The following NKAIN2 variants were observed in gnomAD, a reference collection of about 807,000 sequenced individuals.
NKAIN2 encodes sodium/potassium transporting ATPase interacting 2, also known as sodium/potassium-transporting ATPase subunit beta-1-interacting protein 2.
A neutral mutation model predicts 32.6 loss-of-function variants in NKAIN2; 14 were observed. That is an observed-to-expected ratio of 0.43 (90% CI 0.28 to 0.67). The LOEUF (loss-of-function observed/expected upper bound fraction) is 0.67, where lower values mean the gene tolerates loss of function less well. Among genes scored for constraint, NKAIN2 ranks in the 30% least tolerant of loss-of-function variants. The pLI, the probability that NKAIN2 is intolerant of heterozygous loss-of-function variation, is 0.17. For missense variants in NKAIN2, 198 were observed against 258.3 expected (o/e 0.77, Z 1.60); for synonymous variants, 80 against 87.2 (o/e 0.92, Z 0.46).
chr6:123,946,263 C>T (rs966665009), intron 1 of NKAIN2, among the ~76,000 whole-genome samples: 1 of 152,004 alleles, frequency 6.6e-6, no homozygotes, highest in Non-Finnish European at 1.5e-5. Context: ...TTAGGTGGCA[C>T]ACATCATTAA....
chr6:124,033,301 G>T (rs1385297369), intron 1 of NKAIN2, among the ~76,000 whole-genome samples: 2 of 152,072 alleles, frequency 1.3e-5, no homozygotes, highest in African/African-American at 4.8e-5. Context: ...GGATGATTAT[G>T]TAAAAAGCAG....
intron 1 of NKAIN2, among the ~76,000 whole-genome samples, chr6:124,274,452 T>A (rs1282607484): frequency 6.6e-6 from 1 of 152,134 alleles, no homozygotes. Context: ...GCAAAGTATT[T>A]GGTAGTAAAG....
rs568913683 is a variant in NKAIN2, at chr6:124,681,582, T to C, written c.474+23196T>C. Among the ~76,000 whole-genome samples, 4 of 152,196 alleles carry C rather than the reference T, an allele frequency of 2.6e-5. No homozygotes were observed. In the East Asian group the frequency reaches 7.7e-4, roughly 29 times the overall value. On this transcript the variant is annotated intron_variant, in intron 4 of 6. Coordinates refer to ENST00000368417, the MANE Select transcript of NKAIN2 (RefSeq NM_001040214.3). ...GACTTATGCTTGCTGCAGAATGATG[T>C]AGTTTTCAGAGGGGTGATTATTTAT...
intron 4 of NKAIN2, among the ~76,000 whole-genome samples, chr6:124,707,833 C>T (rs1220442450): frequency 1.3e-5 from 2 of 152,156 alleles, no homozygotes; most frequent in Non-Finnish European, 2.9e-5. Flanking sequence ...TGTGCAGAAG[C>T]TCTTTAGTTT....
intron 3 of NKAIN2, among the ~76,000 whole-genome samples, chr6:124,420,594 A>G (rs1319010798): frequency 1.3e-5 from 2 of 152,162 alleles, no homozygotes; most frequent in African/African-American, 4.8e-5. Flanking sequence ...CATTATCTGC[A>G]CAGTAAAACG....
intron 5 of NKAIN2, among the ~76,000 whole-genome samples, chr6:124,792,637 G>A (rs1779796867): frequency 6.6e-6 from 1 of 152,096 alleles, no homozygotes; most frequent in East Asian, 1.9e-4. Flanking sequence ...GTAAAGAGAA[G>A]AAAGAGATCA....
chr6:124,165,553 A>C (rs575370594), intron 1 of NKAIN2, among the ~76,000 whole-genome samples: 2 of 151,914 alleles, frequency 1.3e-5, no homozygotes, highest in South Asian at 2.1e-4. Context: ...TTTAGGGTAC[A>C]TGTGCACAAT....
intron 4 of NKAIN2, among the ~76,000 whole-genome samples, chr6:124,781,339 C>T (rs539407263): frequency 6.6e-6 from 1 of 152,076 alleles, no homozygotes; most frequent in South Asian, 2.1e-4. Context: ...AAATTATCTC[C>T]TTAGTTTTGG....
At chr6:123,936,223 A>G (rs542285593) in intron 1 of NKAIN2, among the ~76,000 whole-genome samples, 2 of 152,300 alleles carry the variant, frequency 1.3e-5, no homozygotes, top group East Asian at 3.9e-4. Context: ...TTGGAAAACA[A>G]CAGCTCCAAA....
intron 4 of NKAIN2, among the ~76,000 whole-genome samples, chr6:124,770,884 CA>C (rs951125470): frequency 6.6e-6 from 1 of 151,782 alleles, no homozygotes; most frequent in African/African-American, 2.4e-5. Flanking sequence ...AAAATAATAC[CA>C]AAAAAAGCCA....
chr6:123,921,964 T>G (rs2114493109), intron 1 of NKAIN2, among the ~76,000 whole-genome samples: 1 of 152,128 alleles, frequency 6.6e-6, no homozygotes, highest in East Asian at 1.9e-4. Flanking sequence ...TTGATGAACT[T>G]TAGAGAGTGA....
chr6:124,526,934 T>C (rs1779341463), intron 3 of NKAIN2, among the ~76,000 whole-genome samples: 1 of 152,268 alleles, frequency 6.6e-6, no homozygotes. Flanking sequence ...CTGGTCTGAA[T>C]CATTTTTTTT....
chr6:124,680,847 C>G (rs959734691), intron 4 of NKAIN2, among the ~76,000 whole-genome samples: 32 of 151,614 alleles, frequency 2.1e-4, no homozygotes, highest in African/African-American at 2.7e-4. Flanking sequence ...AGATACCTAA[C>G]TTTAATTAGA....
intron 3 of NKAIN2, among the ~76,000 whole-genome samples, chr6:124,395,255 C>A (rs1341909252): frequency 6.6e-6 from 1 of 152,154 alleles, no homozygotes. Flanking sequence ...AACATCCAAA[C>A]TCCATCCAAG....
intron 4 of NKAIN2, among the ~76,000 whole-genome samples, chr6:124,759,668 C>T (rs1470652762): frequency 6.8e-6 from 1 of 148,104 alleles, no homozygotes; most frequent in African/African-American, 2.5e-5. Flanking sequence ...CCCTATCTCC[C>T]TTTCCTGCCT....
intron 1 of NKAIN2, among the ~76,000 whole-genome samples, chr6:124,143,697 C>A (rs949771131): frequency 1.3e-5 from 2 of 151,870 alleles, no homozygotes; most frequent in Admixed American, 1.3e-4. Context: ...AACAAGACAA[C>A]ATAATGTAAT....
intron 1 of NKAIN2, among the ~76,000 whole-genome samples, chr6:124,134,824 C>T (rs1050129161): frequency 6.6e-6 from 1 of 152,104 alleles, no homozygotes; most frequent in Non-Finnish European, 1.5e-5. Context: ...AAAAGATTAT[C>T]ACCTAGGCAT....
intron 1 of NKAIN2, among the ~76,000 whole-genome samples, chr6:123,874,010 A>G (rs931016203): frequency 4.6e-5 from 7 of 152,154 alleles, no homozygotes; most frequent in African/African-American, 1.7e-4. Context: ...ATATTATGCC[A>G]TCTGCTCCTT....
At chr6:124,333,093 A>T (rs1038722935) in intron 2 of NKAIN2, among the ~76,000 whole-genome samples, 9 of 152,212 alleles carry the variant, frequency 5.9e-5, no homozygotes, top group Non-Finnish European at 1.2e-4. Context: ...AGGATTCAAA[A>T]GAAAATGCAT....
Sources: allele counts gnomAD v4.1 joint callset (sites outside exome capture counted in the v4.1 genomes callset), GRCh38; gene constraint gnomAD v4.1.1; transcripts MANE v1.5; gene names NCBI Gene and HGNC (gene_info 2026-07-23, HGNC 2026-07-21).